The following ZNF724 variants were observed in gnomAD, a reference collection of about 807,000 sequenced individuals.
The protein encoded by ZNF724 is zinc finger protein 724 pseudogene.
A neutral mutation model predicts 29.3 loss-of-function variants in ZNF724; 14 were observed. The observed-to-expected ratio is 0.48, with a 90% CI of 0.32 to 0.75. ZNF724 has a LOEUF of 0.75. ZNF724 is among the 30% of genes least tolerant of loss of function. The pLI, the probability that ZNF724 is intolerant of heterozygous loss-of-function variation, is 0.04. For missense variants in ZNF724, 557 were observed against 571.2 expected, an observed-to-expected ratio of 0.98 and a Z score of 0.25; for synonymous variants, 180 against 193.6, an observed-to-expected ratio of 0.93 and a Z score of 0.58.
intron 1 of ZNF724, among the ~76,000 whole-genome samples, chr19:23,249,731 G>A (rs1253730501): frequency 1.3e-5 from 2 of 151,624 alleles, no homozygotes; most frequent in Non-Finnish European, 2.9e-5. Context: ...ATGGGGTTTC[G>A]CCATGTTGGC....
intron 1 of ZNF724, among the ~76,000 whole-genome samples, chr19:23,235,872 C>A (rs1167998482): frequency 6.6e-6 from 1 of 152,186 alleles, no homozygotes; most frequent in Non-Finnish European, 1.5e-5. Context: ...TAAACTGTTT[C>A]ATTACACAAT....
At chr19:23,245,529 C>A (rs1390848693) in intron 1 of ZNF724, among the ~76,000 whole-genome samples, 1 of 151,978 alleles carries the variant, frequency 6.6e-6, no homozygotes, top group African/African-American at 2.4e-5. Flanking sequence ...AAGAGAATGG[C>A]GTGAACCCAG....
chr19:23,231,072 G>C (rs7257176), intron 3 of ZNF724, 194 bp downstream of exon 3: 1 of 344,260 alleles, frequency 2.9e-6, no homozygotes, highest in Non-Finnish European at 5.2e-6. Context: ...TAGTAAAGAC[G>C]GGGTTTCTCC....
In ZNF724 at chr19:23,222,149, G is replaced by A; in HGVS notation, c.*236C>T. On this transcript the variant is annotated 3_prime_UTR_variant, in exon 4 of 4. Transcript: ENST00000418100. Reference sequence around the variant, plus strand: ...TTGCCACATTCTTCACACTTGTAGAGGTTTCCTCTACTATATTTTACCTAC... The same window carrying A: ...TTGCCACATTCTTCACACTTGTAGAAGTTTCCTCTACTATATTTTACCTAC... The A allele has an allele frequency of 2.2e-6, 1 of 449,230 alleles. No individual in the cohort carries two copies. Among genetic ancestry groups the A allele is most frequent in the South Asian group, 3.6e-5 (1 of 27,766 alleles). The allele number at this position is 449,230 out of a possible 1,614,324, so 27.8% of individuals were successfully genotyped here.
chr19:23,248,508 T>C (rs1320707056), intron 1 of ZNF724, among the ~76,000 whole-genome samples: 4 of 151,288 alleles, frequency 2.6e-5, no homozygotes, highest in Non-Finnish European at 5.9e-5. Flanking sequence ...AATAGTTAAG[T>C]GCCAGGCAAT....
chr19:23,234,956 T>C (rs867603516), intron 1 of ZNF724, among the ~76,000 whole-genome samples: 5 of 149,528 alleles, frequency 3.3e-5, no homozygotes, highest in South Asian at 2.1e-4. Flanking sequence ...CTCAGCACTC[T>C]TGTCACAACA....
Position 23,222,139 on chromosome 19 carries a change from C to T in ZNF724, c.*246G>A, listed in dbSNP as rs1202786764. 1 of 421,490 alleles carries T rather than the reference C, an allele frequency of 2.4e-6. No individual in the cohort carries two copies. The highest frequency in any genetic ancestry group is 4.0e-5 in the Admixed American group (1 of 24,776). The allele number at this position is 421,490 out of a possible 1,614,324, so 26.1% of individuals were successfully genotyped here. ...GTTAAAAGTTTTGCCACATTCTTCA[C>T]ACTTGTAGAGGTTTCCTCTACTATA... On this transcript the variant is annotated 3_prime_UTR_variant, in exon 4 of 4. Transcript: ENST00000418100.
intron 1 of ZNF724, chr19:23,236,353 T>C (rs920094445): frequency 6.6e-6 from 1 of 152,060 alleles, no homozygotes; most frequent in African/African-American, 2.4e-5. Context: ...TTCACGATAA[T>C]GGGAATGGGA....
rs1972059322 is a variant in ZNF724, at chr19:23,238,385, G to A, written c.4-6092C>T. 2.5e-5 allele frequency among the ~76,000 whole-genome samples: 3 copies of A among 122,360 alleles called. No homozygotes were observed. In the East Asian group the frequency reaches 8.1e-4, roughly 33 times the overall value. 80.3% of individuals were successfully genotyped at this position (122,360 alleles called of 152,430 possible). A position where few individuals can be genotyped will look rare whatever the true frequency, so the allele number is the denominator to read the frequency against. The stretch of plus-strand genomic sequence containing the variant: ...AAAAACAAAAAACAAAAAAACCTTT[G>A]CCAAAGCAAAAACACTGCAATGGTT... On this transcript the variant is annotated intron_variant, in intron 1 of 3. Coordinates refer to ENST00000418100, the MANE Select transcript of ZNF724 (RefSeq NM_001355404.2).
chr19:23,223,650 T>C lies in ZNF724; in HGVS notation c.595A>G (p.Lys199Glu), dbSNP rs1317542198. 1.4e-6 allele frequency: 1 copy of C among 714,616 alleles called. No individual in the cohort carries two copies. The highest frequency in any genetic ancestry group is 2.6e-6 in the Non-Finnish European group (1 of 385,624). 44.3% of individuals were successfully genotyped at this position (714,616 alleles called of 1,614,324 possible). A position where few individuals can be genotyped will look rare whatever the true frequency, so the allele number is the denominator to read the frequency against. ...AAGGCCTTGCCACATTCTTCAAGTT[T>C]GTAGGAATTGACAGTAGTGTGAATT... ...KRIHTTVNSY[K>E]LEECGKAFNV... Residue 199 changes from lysine (K) to glutamate (E), a missense_variant, in exon 4 of 4, where the codon AAA becomes GAA. This residue lies in a region of ZNF724 where 362 missense variants were observed against 295.5 expected (regional missense o/e 1.22). Transcript: ENST00000418100.
intron 1 of ZNF724, among the ~76,000 whole-genome samples, chr19:23,239,184 A>C (rs759174412): frequency 9.2e-5 from 14 of 152,196 alleles, no homozygotes; most frequent in Admixed American, 6.5e-5. Context: ...AAATTAACAA[A>C]GATATCAGGA....
Position 23,228,783 on chromosome 19 carries a change from G to C in ZNF724, c.226+2483C>G, listed in dbSNP as rs150106076. ...GTGTGGTAGCATGTACCAGCTGCTT[G>C]GGAGGCTGAGGCAGGAGAATCGCTT... On this transcript the variant is annotated intron_variant, in intron 3 of 3. Transcript: ENST00000418100. Among the ~76,000 whole-genome samples, 1,471 of 151,964 alleles carry C rather than the reference G, an allele frequency of 9.7e-3. 19 individuals carry two copies. The highest frequency in any genetic ancestry group is 0.033 in the African/African-American group (1,371 of 41,466).
chr19:23,222,490 A>C lies in ZNF724; in HGVS notation c.1755T>G (p.Thr585=), dbSNP rs772287395. ...CTTTACATTTGTAGGGTTTCTCTCC[A>C]GTATGAATTACCTTATGTTTAGTCA... is the stretch of plus-strand genomic sequence containing the variant. ...STLTKHKVIH[T]GEKPYKCKEC... The change falls in exon 4 of 4, where the codon ACT becomes ACG. Residue 585 remains threonine, a synonymous_variant. Coordinates refer to ENST00000418100, the MANE Select transcript of ZNF724 (RefSeq NM_001355404.2). 7.7e-7 allele frequency: 1 copy of C among 1,306,318 alleles called. No homozygotes were observed. Among genetic ancestry groups the C allele is most frequent in the Middle Eastern group, 1.8e-4 (1 of 5,452 alleles). 80.9% of individuals were successfully genotyped at this position (1,306,318 alleles called of 1,614,324 possible).
At chr19:23,224,129 AG>A (rs1568338242) in intron 3 of ZNF724, 111 bp from the exon 4 acceptor site, 4 of 536,802 alleles carry the variant, frequency 7.5e-6, no homozygotes, top group Non-Finnish European at 1.3e-5. Context: ...TTGCATAAGA[AG>A]GCCAGGCATG....
intron 3 of ZNF724, among the ~76,000 whole-genome samples, chr19:23,226,259 G>C (rs888522523): frequency 5.9e-5 from 9 of 152,054 alleles, no homozygotes; most frequent in African/African-American, 2.2e-4. Flanking sequence ...CACTGTGTTA[G>C]CCACAATGGT....
At chr19:23,245,860 C>T (rs1972225183) in intron 1 of ZNF724, among the ~76,000 whole-genome samples, 1 of 152,096 alleles carries the variant, frequency 6.6e-6, no homozygotes, top group Non-Finnish European at 1.5e-5. Flanking sequence ...CGCCTCAAAG[C>T]AAGAACAACT....
chr19:23,238,330 A>C (rs1462694258), intron 1 of ZNF724, among the ~76,000 whole-genome samples: 1 of 151,482 alleles, frequency 6.6e-6, no homozygotes, highest in African/African-American at 2.4e-5. Flanking sequence ...ACGCCAATGC[A>C]CTCCAGCCTG....
intron 1 of ZNF724, among the ~76,000 whole-genome samples, chr19:23,237,717 TA>T (rs56110527): frequency 2.4e-4 from 32 of 132,580 alleles, no homozygotes; most frequent in Admixed American, 4.1e-4. Context: ...GAACCCGTCT[TA>T]AAAAAAAAAA....
At chr19:23,241,208 T>G (rs539162451) in intron 1 of ZNF724, among the ~76,000 whole-genome samples, 26 of 152,070 alleles carry the variant, frequency 1.7e-4, no homozygotes, top group Admixed American at 4.6e-4. Flanking sequence ...ACCAAACAAG[T>G]TGAAGCCCTA....
Sources: gnomAD v4.1 joint callset for allele counts (sites outside exome capture counted in the v4.1 genomes callset) on GRCh38, gnomAD v4.1.1 for gene constraint, gnomAD v4.1.1 regional missense constraint, MANE v1.5 for transcripts, NCBI Gene and HGNC (gene_info 2026-07-23, HGNC 2026-07-21) for gene names.